Variants in KCTD19 observed in about 807,000 individuals in gnomAD.
KCTD19 encodes the protein BTB/POZ domain-containing protein KCTD19.
Under a neutral mutation model 103.5 loss-of-function variants are expected in KCTD19, and 67 were observed. The ratio of observed to expected loss-of-function variants is 0.65; its 90% CI spans 0.53 to 0.79. The LOEUF is 0.79. KCTD19 is among the 30% of genes least tolerant of loss of function. The pLI is 0.00. For synonymous variants in KCTD19, 439 were observed against 452.2 expected (o/e 0.97, Z 0.37); for missense variants, 980 against 1,136.1 (o/e 0.86, Z 1.98).
At chr16:67,294,316 T>A in intron 11 of KCTD19, 145 bp from the exon 12 acceptor site, 3 of 948,086 alleles carry the variant, frequency 3.2e-6, no homozygotes, top group Non-Finnish European at 3.2e-6. Context: ...CATTTGAGCT[T>A]TGCTCAGGCT....
chr16:67,307,971 C>T (rs2036911225), intron 2 of KCTD19, among the ~76,000 whole-genome samples: 2 of 152,144 alleles, frequency 1.3e-5, no homozygotes, highest in Non-Finnish European at 2.9e-5. Context: ...GCCTCTGCTG[C>T]CTTCCACTTG....
intron 2 of KCTD19, among the ~76,000 whole-genome samples, chr16:67,304,964 A>T (rs1243234890): frequency 6.6e-6 from 1 of 152,182 alleles, no homozygotes; most frequent in Admixed American, 6.6e-5. Context: ...CACCGCGCCC[A>T]GCGACTTACT....
Position 67,302,895 on chromosome 16 carries a change from C to G in KCTD19, c.643+251G>C, listed in dbSNP as rs1052178789. The G allele has an allele frequency of 8.0e-6, 4 of 499,898 alleles. No homozygotes were observed. The Admixed American group carries it at 1.5e-4, about 19-fold the overall frequency. 31.0% of individuals were successfully genotyped at this position (499,898 alleles called of 1,614,324 possible). On this transcript the variant is annotated intron_variant, in intron 4 of 15. Coordinates refer to ENST00000304372, the MANE Select transcript of KCTD19 (RefSeq NM_001100915.3). Reference sequence around the variant, plus strand: ...CAACTCCTGTGGTCCCTAGCACTTTCCAGTGCCTGACACTTTTACAGCCAG... The same window carrying G: ...CAACTCCTGTGGTCCCTAGCACTTTGCAGTGCCTGACACTTTTACAGCCAG...
intron 11 of KCTD19, 84 bp from the exon 12 acceptor site, chr16:67,294,255 C>T: frequency 1.5e-6 from 2 of 1,360,022 alleles, no homozygotes; most frequent in South Asian, 1.4e-5. Context: ...GCTGGGCCTC[C>T]AAGACTTCAC....
At position 67,289,644 on chromosome 16, in the gene KCTD19, C is replaced by T; in HGVS notation, c.2706G>A (p.Met902Ile). Reference sequence around the variant, plus strand: ...ACAGGCCCCTCTGGATGAGCAGGTCCATGCATCGGCCATATTTCCTGGCGA... The same window carrying T: ...ACAGGCCCCTCTGGATGAGCAGGTCTATGCATCGGCCATATTTCCTGGCGA... ...LPFARKYGRC[M>I]DLLIQRGLSR... The change falls in exon 16 of 16, where the codon ATG becomes ATA. Residue 902 changes from methionine to isoleucine, a missense_variant. By Grantham distance (10) the Met-to-Ile change is conservative. Coordinates refer to ENST00000304372, the MANE Select transcript of KCTD19 (RefSeq NM_001100915.3). The T allele has an allele frequency of 6.2e-7, 1 of 1,614,088 alleles. No homozygotes were observed. The highest frequency in any genetic ancestry group is 8.5e-7 in the Non-Finnish European group (1 of 1,179,992).
At chr16:67,291,101 C>T in intron 14 of KCTD19, 115 bp from the exon 15 acceptor site, 2 of 1,234,702 alleles carry the variant, frequency 1.6e-6, no homozygotes, top group Admixed American at 2.2e-5. Flanking sequence ...GGGGCGGGCA[C>T]TGTCACTGCA....
rs1174315772 is a variant in KCTD19 at position 67,325,201 on chromosome 16, TTTTTTC to T, written c.3+1498_3+1503del. On this transcript the variant is annotated intron_variant, in intron 1 of 15. Transcript: ENST00000304372. ...TTCTTTCTTTTTTTTCTTTTTTTCT[TTTTTTC>T]TTTTTTTTTTTTTTTGAGACGGAGT... is the stretch of plus-strand genomic sequence containing the variant. Among the ~76,000 whole-genome samples the T allele has an allele frequency of 3.9e-3, 547 of 139,542 alleles. 8 individuals are homozygous for T. The highest frequency in any genetic ancestry group is 0.016 in the African/African-American group (520 of 32,912). The allele number at this position is 139,542 out of a possible 152,430, so 91.5% of individuals were successfully genotyped here.
chr16:67,303,385 A>T lies in KCTD19; in HGVS notation c.452-48T>A, dbSNP rs1272074880. 6.6e-7 allele frequency: 1 copy of T among 1,515,864 alleles called. No homozygotes were observed. The highest frequency in any genetic ancestry group is 2.3e-5 in the East Asian group (1 of 43,812). 93.9% of individuals were successfully genotyped at this position (1,515,864 alleles called of 1,614,324 possible). A position where few individuals can be genotyped will look rare whatever the true frequency, so the allele number is the denominator to read the frequency against. On this transcript the variant is annotated intron_variant, in intron 3 of 15. Transcript: ENST00000304372. This position sits in a 1 kb window ranked among gnomAD's most constrained non-coding sequence, Gnocchi z 4.3. ...TGTTGCCACCTCTCAGAAGCCAGGG[A>T]TCTGATTCCAGCAGGGCTTTCACTG...
chr16:67,297,545 T>G lies in KCTD19; in HGVS notation c.1105A>C (p.Thr369Pro). 1 of 1,614,120 alleles carries G rather than the reference T, an allele frequency of 6.2e-7. No homozygotes were observed. The highest frequency in any genetic ancestry group is 8.5e-7 in the Non-Finnish European group (1 of 1,180,028). ...GCCAAAGTCCTTGGCTCCAGATGAG[T>G]CTTCAAAGCAACTTTGATTGGCTCG... is the stretch of plus-strand genomic sequence containing the variant. ...TYEPIKVALK[T>P]HLEPRTLAPM... The change falls in exon 7 of 16, where the codon ACT (threonine) becomes CCT (proline). Residue 369 changes from threonine (T) to proline (P), a missense_variant. Coordinates refer to ENST00000304372, the MANE Select transcript of KCTD19 (RefSeq NM_001100915.3).
chr16:67,303,117 C>A lies in KCTD19; in HGVS notation c.643+29G>T. 4 of 469,984 alleles carry A rather than the reference C, an allele frequency of 8.5e-6. No individual in the cohort carries two copies. The highest frequency in any genetic ancestry group is 7.5e-5 in the East Asian group (1 of 13,250). The allele number at this position is 469,984 out of a possible 1,614,324, so 29.1% of individuals were successfully genotyped here. ...GGTGAATGGGCCCTATCAGCCCGCC[C>A]CCCACCCCACCCCGGACAGAGCAAT... On this transcript the variant is annotated intron_variant, in intron 4 of 15. Coordinates refer to ENST00000304372, the MANE Select transcript of KCTD19 (RefSeq NM_001100915.3). The surrounding 1 kb of genome is among the most constrained non-coding windows in gnomAD (Gnocchi z 4.3).
At position 67,299,530 on chromosome 16, in the gene KCTD19, C is replaced by G. The variant is rs748306906; in HGVS notation, c.819G>C (p.Lys273Asn). 1.9e-6 allele frequency: 3 copies of G among 1,614,016 alleles called. No homozygotes were observed. The highest frequency in any genetic ancestry group is 1.1e-5 in the South Asian group (1 of 91,086). Reference protein sequence around the residue: ...PTTCSPLSPGKGARTASLESV... With the variant: ...PTTCSPLSPGNGARTASLESV... ...ACTCCAGGCTGGCTGTGCGGGCCCC[C>G]TTCCCGGGGCTCAGGGGAGAACAGG... is the stretch of plus-strand genomic sequence containing the variant. Residue 273 changes from lysine to asparagine, a missense_variant, in exon 6 of 16, where the codon AAG becomes AAC. Coordinates refer to ENST00000304372, the MANE Select transcript of KCTD19 (RefSeq NM_001100915.3).
At chr16:67,309,640 T>G (rs1368486437) in intron 2 of KCTD19, among the ~76,000 whole-genome samples, 2 of 152,202 alleles carry the variant, frequency 1.3e-5, no homozygotes, top group African/African-American at 4.8e-5. Context: ...CCCCCAAGAT[T>G]CTGTCTTAGT....
chr16:67,291,540 G>T, intron 13 of KCTD19, 77 bp from the exon 14 acceptor site: 2 of 1,556,640 alleles, frequency 1.3e-6, no homozygotes, highest in South Asian at 1.2e-5. Flanking sequence ...GAGGGGGAGA[G>T]GGGTAGGGCC....
chr16:67,314,694 A>AG (rs2036983788), intron 2 of KCTD19, among the ~76,000 whole-genome samples: 1 of 151,548 alleles, frequency 6.6e-6, no homozygotes, highest in Admixed American at 6.6e-5. Flanking sequence ...CTGGGATTAT[A>AG]GGCATGAGCC....
At chr16:67,289,823 G>GC in intron 15 of KCTD19, 141 bp from the exon 16 acceptor site, 1 of 584,650 alleles carries the variant, frequency 1.7e-6, no homozygotes, top group Non-Finnish European at 3.1e-6. Context: ...GCCCAGCTCT[G>GC]CCCCAGGGCA....
At chr16:67,290,214 G>A (rs1175479808) in intron 15 of KCTD19, among the ~76,000 whole-genome samples, 1 of 108,318 alleles carries the variant, frequency 9.2e-6, no homozygotes, top group Non-Finnish European at 1.7e-5. Flanking sequence ...GTCTCGCTCT[G>A]TCACCCAGGC....
chr16:67,325,514 T>C (rs2037141303), intron 1 of KCTD19, among the ~76,000 whole-genome samples: 1 of 151,768 alleles, frequency 6.6e-6, no homozygotes, highest in Admixed American at 6.6e-5. Flanking sequence ...AGTGCTGGGA[T>C]TACAGACGTG....
chr16:67,299,208 G>C (rs1251307813), intron 6 of KCTD19, among the ~76,000 whole-genome samples, 155 bp downstream of exon 6: 1 of 152,258 alleles, frequency 6.6e-6, no homozygotes, highest in Admixed American at 6.5e-5. Flanking sequence ...CCTGGTGGTA[G>C]TGTGGCGGTG....
chr16:67,322,820 G>T (rs1259526943), intron 1 of KCTD19, among the ~76,000 whole-genome samples: 2 of 152,044 alleles, frequency 1.3e-5, no homozygotes, highest in Admixed American at 6.6e-5. Context: ...GTCTGATAAA[G>T]AACTTGTTTT....
Sources: gnomAD v4.1 joint callset for allele counts (sites outside exome capture counted in the v4.1 genomes callset) on GRCh38, gnomAD v4.1.1 for gene constraint, Gnocchi (gnomAD v3.1) non-coding constraint, MANE v1.5 for transcripts, NCBI Gene and HGNC (gene_info 2026-07-23, HGNC 2026-07-21) for gene names.